The following SH3BP2 variants were observed in gnomAD, a reference collection of about 807,000 sequenced individuals.
SH3BP2 encodes the protein SH3 domain-binding protein 2.
Under a neutral mutation model 56.2 loss-of-function variants are expected in SH3BP2, and 38 were observed. The observed-to-expected ratio is 0.68, with a 90% CI of 0.52 to 0.89. The LOEUF is 0.89. Among genes scored for constraint, SH3BP2 ranks in the 40% least tolerant of loss-of-function variants. The pLI is 0.00. For synonymous variants in SH3BP2, 346 were observed against 316.7 expected (o/e 1.09, Z -0.98); for missense variants, 748 against 762.6 (o/e 0.98, Z 0.23).
intron 1 of SH3BP2, among the ~76,000 whole-genome samples, chr4:2,800,914 C>T (rs1418626942): frequency 6.6e-6 from 1 of 152,156 alleles, no homozygotes; most frequent in South Asian, 2.1e-4. Flanking sequence ...TGGCCTTGAG[C>T]CCTGAGGCTG....
chr4:2,802,500 A>C (rs1451903688), intron 1 of SH3BP2, among the ~76,000 whole-genome samples: 1 of 144,922 alleles, frequency 6.9e-6, no homozygotes, highest in Non-Finnish European at 1.5e-5. Flanking sequence ...ATATGTATAT[A>C]TATGTTTGTA....
chr4:2,825,014 CCT>C, intron 4 of SH3BP2, 110 bp from the exon 5 acceptor site: 1 of 1,029,084 alleles, frequency 9.7e-7, no homozygotes, highest in Non-Finnish European at 1.5e-6. Context: ...AGCCGGGTCG[CCT>C]CCTCTGACCT....
At chr4:2,795,918 T>G (rs1467849694) in intron 1 of SH3BP2, among the ~76,000 whole-genome samples, 3 of 152,128 alleles carry the variant, frequency 2.0e-5, no homozygotes, top group African/African-American at 7.2e-5. Flanking sequence ...ACCGAGGGGC[T>G]GGAGACAGTC....
Position 2,837,572 on chromosome 4 carries a change from G to C in SH3BP2, c.*3738G>C, listed in dbSNP as rs896176951. The C allele has an allele frequency of 6.6e-6, 1 of 152,408 alleles. No homozygotes were observed. Among genetic ancestry groups the C allele is most frequent in the African/African-American group, 2.4e-5 (1 of 41,452 alleles). The allele number at this position is 152,408 out of a possible 1,614,324, so 9.4% of individuals were successfully genotyped here. A position where few individuals can be genotyped will look rare whatever the true frequency, so the allele number is the denominator to read the frequency against. On this transcript the variant is annotated 3_prime_UTR_variant, in exon 13 of 13. Coordinates refer to ENST00000503393, the MANE Select transcript of SH3BP2 (RefSeq NM_001122681.2). The stretch of plus-strand genomic sequence containing the variant: ...GAAAGGCAGATTGAAGCTCAGCAGG[G>C]AAGAGGCTTTTGAGGGTGATCCAGG...
chr4:2,828,221 G>T (rs1467949253), intron 7 of SH3BP2, among the ~76,000 whole-genome samples: 3 of 151,634 alleles, frequency 2.0e-5, no homozygotes, highest in African/African-American at 7.3e-5. Context: ...CCTCCCTATT[G>T]TCTCTCCAGC....
intron 1 of SH3BP2, among the ~76,000 whole-genome samples, chr4:2,802,383 G>C (rs1723316124): frequency 6.6e-6 from 1 of 150,586 alleles, no homozygotes; most frequent in South Asian, 2.1e-4. Flanking sequence ...ACCAAAGTGA[G>C]ACTCTGTCTC....
At chr4:2,804,634 C>G (rs1223380238) in intron 1 of SH3BP2, among the ~76,000 whole-genome samples, 1 of 152,248 alleles carries the variant, frequency 6.6e-6, no homozygotes, top group Non-Finnish European at 1.5e-5. Context: ...ACCCAGAGCC[C>G]TGCCCCCTCC....
At chr4:2,821,453 G>GTGGAGTCCCA (rs1724301033) in intron 2 of SH3BP2, among the ~76,000 whole-genome samples, 1 of 152,238 alleles carries the variant, frequency 6.6e-6, no homozygotes, top group Non-Finnish European at 1.5e-5. Flanking sequence ...GCCTGGGACA[G>GTGGAGTCCCA]GGCTGGGGCA....
Position 2,840,611 on chromosome 4 carries a change from A to G in SH3BP2, c.*6777A>G, listed in dbSNP as rs1263680004. 1.3e-5 allele frequency: 2 copies of G among 152,214 alleles called. No homozygotes were observed. Among genetic ancestry groups the G allele is most frequent in the African/African-American group, 2.4e-5 (1 of 41,448 alleles). 9.4% of individuals were successfully genotyped at this position (152,214 alleles called of 1,614,324 possible). The stretch of plus-strand genomic sequence containing the variant: ...TCATTATTATCAATTATGTATTGAG[A>G]TCTGATAAAGTAAGTCTTTTCCACC... On this transcript the variant is annotated 3_prime_UTR_variant, in exon 13 of 13. Transcript: ENST00000503393.
chr4:2,836,692 A>G lies in SH3BP2; in HGVS notation c.*2858A>G, dbSNP rs914664180. ...GGGTTAGGGCTCTGGAGGTGCTTTC[A>G]CTCAACCAAGGGGGCCACAGCACTG... On this transcript the variant is annotated 3_prime_UTR_variant, in exon 13 of 13. Coordinates refer to ENST00000503393, the MANE Select transcript of SH3BP2 (RefSeq NM_001122681.2). The G allele has an allele frequency of 3.3e-5, 5 of 151,866 alleles. No individual in the cohort carries two copies. Among genetic ancestry groups the G allele is most frequent in the Admixed American group, 2.6e-4 (4 of 15,266 alleles). 9.4% of individuals were successfully genotyped at this position (151,866 alleles called of 1,614,324 possible).
intron 1 of SH3BP2, among the ~76,000 whole-genome samples, chr4:2,796,216 G>A (rs1427945481): frequency 2.0e-5 from 3 of 152,292 alleles, no homozygotes; most frequent in East Asian, 3.9e-4. Flanking sequence ...GTTCCGTGCC[G>A]GGCCCCTGAC....
intron 7 of SH3BP2, among the ~76,000 whole-genome samples, chr4:2,828,435 G>A (rs544822624): frequency 5.9e-4 from 89 of 151,398 alleles, no homozygotes; most frequent in African/African-American, 2.0e-3. Flanking sequence ...TTCTCCTGCC[G>A]CTCCCTCCCT....
chr4:2,797,201 T>A (rs1291517948), intron 1 of SH3BP2, among the ~76,000 whole-genome samples: 1 of 152,176 alleles, frequency 6.6e-6, no homozygotes, highest in African/African-American at 2.4e-5. Context: ...GGTGGGCCCT[T>A]GCTGCTGGCT....
At position 2,825,080 on chromosome 4, in the gene SH3BP2, C is replaced by T. The variant is rs114645897; in HGVS notation, c.358-46C>T. 1,038 of 1,516,302 alleles carry T rather than the reference C, an allele frequency of 6.8e-4. 5 individuals carry two copies. The African/African-American group carries it at 0.013, about 18-fold the overall frequency. 93.9% of individuals were successfully genotyped at this position (1,516,302 alleles called of 1,614,324 possible). A position where few individuals can be genotyped will look rare whatever the true frequency, so the allele number is the denominator to read the frequency against. On this transcript the variant is annotated intron_variant, in intron 4 of 12. Transcript: ENST00000503393. ...GTGAAGGTGGAGGGGTGCGGTGGGG[C>T]CCACCCTGGTGGCACCGTGCCCACC...
Position 2,837,502 on chromosome 4 carries a change from G to A in SH3BP2, c.*3668G>A, listed in dbSNP as rs945211666. 4 of 152,500 alleles carry A rather than the reference G, an allele frequency of 2.6e-5. No individual in the cohort carries two copies. Among genetic ancestry groups the A allele is most frequent in the Admixed American group, 6.5e-5 (1 of 15,314 alleles). 9.4% of individuals were successfully genotyped at this position (152,500 alleles called of 1,614,324 possible). A position where few individuals can be genotyped will look rare whatever the true frequency, so the allele number is the denominator to read the frequency against. On this transcript the variant is annotated 3_prime_UTR_variant, in exon 13 of 13. Coordinates refer to ENST00000503393, the MANE Select transcript of SH3BP2 (RefSeq NM_001122681.2). ...GGGAGAGGGGGACCTGGGACCTGCG[G>A]CTTAGTTCCCTGAGGCAGGCAGGGC...
At position 2,824,621 on chromosome 4, in the gene SH3BP2, G is replaced by A. The variant is rs776318503; in HGVS notation, c.248G>A (p.Arg83Gln). 9 of 1,613,292 alleles carry A rather than the reference G, an allele frequency of 5.6e-6. No individual in the cohort carries two copies. Among genetic ancestry groups the A allele is most frequent in the Admixed American group, 1.7e-5 (1 of 60,006 alleles). Residue 83 changes from arginine to glutamine, a missense_variant, in exon 4 of 13, where the codon CGG (arginine) becomes CAG (glutamine). This residue lies in a region of SH3BP2 where 104 missense variants were observed against 123.1 expected (regional missense o/e 0.84). Coordinates refer to ENST00000503393, the MANE Select transcript of SH3BP2 (RefSeq NM_001122681.2). ...TGGCGCTGTGCCCCCAGGGTGATGC[G>A]GGCGGCTGAGGAGACCACGTCCAAC... ...FSLSGYNRVMRAAEETTSNNV... is the reference protein window; with the variant it reads ...FSLSGYNRVMQAAEETTSNNV...
At chr4:2,800,985 T>C (rs1299697717) in intron 1 of SH3BP2, among the ~76,000 whole-genome samples, 1 of 123,492 alleles carries the variant, frequency 8.1e-6, no homozygotes, top group Non-Finnish European at 1.9e-5. Flanking sequence ...TGTGACAGGC[T>C]GGCTCCGAGG....
At chr4:2,822,402 T>C (rs1409218658) in intron 2 of SH3BP2, among the ~76,000 whole-genome samples, 3 of 151,816 alleles carry the variant, frequency 2.0e-5, no homozygotes, top group African/African-American at 7.3e-5. Flanking sequence ...ACAGTCTCAC[T>C]CTTGTCACCC....
chr4:2,818,106 C>A, intron 1 of SH3BP2: 1 of 601,134 alleles, frequency 1.7e-6, no homozygotes, highest in Non-Finnish European at 2.1e-6. Flanking sequence ...GTGCCTCCCG[C>A]GCACGGTGAC....
Sources: gnomAD v4.1 joint callset for allele counts (sites outside exome capture counted in the v4.1 genomes callset) on GRCh38, gnomAD v4.1.1 for gene constraint, gnomAD v4.1.1 regional missense constraint, MANE v1.5 for transcripts, NCBI Gene and HGNC (gene_info 2026-07-23, HGNC 2026-07-21) for gene names.